The following PRELID2 variants were observed in gnomAD, a reference collection of about 807,000 sequenced individuals.
PRELID2 encodes PRELI domain containing 2.
In PRELID2, 25 loss-of-function variants were observed where a neutral mutation model predicts 28.4. The ratio of observed to expected loss-of-function variants is 0.88; its 90% CI spans 0.64 to 1.23. PRELID2 has a LOEUF of 1.23. Ranked by LOEUF, PRELID2 falls within the 50% of genes most tolerant of loss-of-function variation. PRELID2 has a pLI of 0.00. For missense variants in PRELID2, 201 were observed against 214.4 expected, an observed-to-expected ratio of 0.94 and a Z score of 0.39; for synonymous variants, 76 against 71.6, an observed-to-expected ratio of 1.06 and a Z score of -0.31.
intron 1 of PRELID2, among the ~76,000 whole-genome samples, chr5:145,608,677 T>C (rs1197057552): frequency 6.6e-6 from 1 of 152,194 alleles, no homozygotes; most frequent in Non-Finnish European, 1.5e-5. Context: ...TAATATTTTT[T>C]CTTTCATTTC....
At chr5:145,401,102 G>A in the PRELID2 span, among the ~76,000 whole-genome samples, 1 of 152,068 alleles carries the variant, frequency 6.6e-6, no homozygotes, top group African/African-American at 2.4e-5. Flanking sequence ...TACTGCCGTT[G>A]TCACGTGCTT....
the PRELID2 span, among the ~76,000 whole-genome samples, chr5:145,290,603 G>C: frequency 7.3e-6 from 1 of 137,262 alleles, no homozygotes; most frequent in South Asian, 2.7e-4. Context: ...CCTGTCATGC[G>C]GTTGGGGGAG....
chr5:145,559,380 G>A (rs563772307), intron 1 of PRELID2, among the ~76,000 whole-genome samples: 1 of 151,974 alleles, frequency 6.6e-6, no homozygotes, highest in Non-Finnish European at 1.5e-5. Flanking sequence ...AAAAGAAAAA[G>A]ACAGATATAT....
At chr5:145,707,677 A>G (rs1755583795) in intron 1 of PRELID2, among the ~76,000 whole-genome samples, 2 of 152,200 alleles carry the variant, frequency 1.3e-5, no homozygotes, top group Admixed American at 1.3e-4. Context: ...AAGGCTCTGA[A>G]CGAACACTGA....
chr5:145,232,819 C>T, the PRELID2 span, among the ~76,000 whole-genome samples: 2 of 152,146 alleles, frequency 1.3e-5, no homozygotes, highest in Non-Finnish European at 2.9e-5. Flanking sequence ...ATAGTACCCA[C>T]CTCCTAAACA....
At chr5:145,821,800 A>C (rs1268794008) in intron 2 of PRELID2, among the ~76,000 whole-genome samples, 1 of 152,196 alleles carries the variant, frequency 6.6e-6, no homozygotes, top group East Asian at 1.9e-4. Context: ...TTAACATTTC[A>C]ATTTAGAATA....
chr5:145,268,592 G>T, the PRELID2 span, among the ~76,000 whole-genome samples: 1 of 152,084 alleles, frequency 6.6e-6, no homozygotes, highest in African/African-American at 2.4e-5. Context: ...TGGAGGAGGG[G>T]GATGAATGCC....
chr5:145,691,187 C>T (rs565035984), intron 1 of PRELID2, among the ~76,000 whole-genome samples: 2 of 152,186 alleles, frequency 1.3e-5, no homozygotes, highest in Non-Finnish European at 2.9e-5. Context: ...CAGGAGGTTC[C>T]TGGAAGCTCT....
the PRELID2 span, among the ~76,000 whole-genome samples, chr5:145,259,160 C>T: frequency 1.3e-5 from 2 of 152,220 alleles, no homozygotes; most frequent in Non-Finnish European, 2.9e-5. Context: ...ATGAAAAATA[C>T]TGGGTGCCCA....
intron 4 of PRELID2, among the ~76,000 whole-genome samples, chr5:145,802,823 T>A (rs1241769721): frequency 6.6e-6 from 1 of 152,146 alleles, no homozygotes; most frequent in African/African-American, 2.4e-5. Flanking sequence ...ATACAGTCAT[T>A]TAAAAATTTG....
chr5:145,739,731 T>C (rs1288912544), intron 1 of PRELID2, among the ~76,000 whole-genome samples: 7 of 152,048 alleles, frequency 4.6e-5, no homozygotes, highest in African/African-American at 1.7e-4. Context: ...GAGGTAAGGT[T>C]TCTACATTTC....
chr5:145,307,676 C>T, the PRELID2 span, among the ~76,000 whole-genome samples: 1 of 152,060 alleles, frequency 6.6e-6, no homozygotes, highest in Non-Finnish European at 1.5e-5. Context: ...GCATGGAGCC[C>T]ACCAGTTTGG....
intron 1 of PRELID2, among the ~76,000 whole-genome samples, chr5:145,563,792 T>G: frequency 6.6e-6 from 1 of 151,820 alleles, no homozygotes; most frequent in South Asian, 2.1e-4. Flanking sequence ...AATGAGGAGG[T>G]GTTGGTCAAA....
intron 1 of PRELID2, among the ~76,000 whole-genome samples, chr5:145,549,426 C>T (rs752300291): frequency 1.3e-5 from 2 of 152,226 alleles, no homozygotes; most frequent in African/African-American, 4.8e-5. Context: ...TACTACAGTT[C>T]GGAGGTGTTT....
chr5:145,384,589 G>C, the PRELID2 span, among the ~76,000 whole-genome samples: 1 of 152,234 alleles, frequency 6.6e-6, no homozygotes, highest in Admixed American at 6.5e-5. Context: ...GGCTGTTCTT[G>C]CATTACTATA....
At chr5:145,303,610 G>T in the PRELID2 span, among the ~76,000 whole-genome samples, 1 of 152,270 alleles carries the variant, frequency 6.6e-6, no homozygotes, top group South Asian at 2.1e-4. Flanking sequence ...CCATCTGTGA[G>T]CTTTGATGGA....
rs541071364 is a variant in PRELID2, at chr5:145,529,703, A to T, written n.71-56388T>A. Reference sequence around the variant, plus strand: ...TTGTAGTGACAGATACAAACAGTAAACACACACAAACAACAAAAAAAAGCA... The same window carrying T: ...TTGTAGTGACAGATACAAACAGTAATCACACACAAACAACAAAAAAAAGCA... On this transcript the variant is annotated intron_variant and non_coding_transcript_variant, in intron 1 of 2. Coordinates refer to the PRELID2 transcript ENST00000510259. 2.6e-5 allele frequency among the ~76,000 whole-genome samples: 4 copies of T among 152,284 alleles called. No homozygotes were observed. The South Asian group carries it at 8.3e-4, about 32-fold the overall frequency.
the PRELID2 span, among the ~76,000 whole-genome samples, chr5:145,325,134 T>C: frequency 6.6e-6 from 1 of 152,124 alleles, no homozygotes; most frequent in Non-Finnish European, 1.5e-5. Flanking sequence ...TTTAAAAACA[T>C]GCACAAATAG....
At chr5:145,487,255 A>G (rs1341617706) in intron 1 of PRELID2, among the ~76,000 whole-genome samples, 1 of 151,688 alleles carries the variant, frequency 6.6e-6, no homozygotes, top group East Asian at 2.0e-4. Context: ...AAAAAAAAAG[A>G]CTAAGTCGTC....
Sources: gnomAD v4.1 joint callset for allele counts (sites outside exome capture counted in the v4.1 genomes callset) on GRCh38, gnomAD v4.1.1 for gene constraint, MANE v1.5 for transcripts, NCBI Gene and HGNC (gene_info 2026-07-23, HGNC 2026-07-21) for gene names.